Variants in COL21A1 observed in about 807,000 individuals in gnomAD.
The protein encoded by COL21A1 is collagen type XXI alpha 1 chain, also known as collagen alpha-1(XXI) chain.
COL21A1 carries 149 observed loss-of-function variants against 137.9 expected under a neutral mutation model. The observed-to-expected ratio is 1.08, with a 90% CI of 0.95 to 1.24. The LOEUF is 1.24. Ranked by LOEUF, COL21A1 falls within the 50% of genes most tolerant of loss-of-function variation. COL21A1 has a pLI of 0.00. For synonymous variants in COL21A1, 456 were observed against 391.5 expected, an observed-to-expected ratio of 1.16 and a Z score of -1.95; for missense variants, 1,167 against 1,158.4, an observed-to-expected ratio of 1.01 and a Z score of -0.11.
intron 1 of COL21A1, among the ~76,000 whole-genome samples, chr6:56,205,965 C>A (rs1336600798): frequency 6.6e-6 from 1 of 152,160 alleles, no homozygotes; most frequent in Admixed American, 6.5e-5. Flanking sequence ...GCCTGCCTTA[C>A]AAGAGCTCCT....
intron 1 of COL21A1, among the ~76,000 whole-genome samples, chr6:56,337,572 T>G (rs1383372251): frequency 6.6e-6 from 1 of 152,256 alleles, no homozygotes; most frequent in African/African-American, 2.4e-5. Context: ...CCTGGCCATA[T>G]TGAGGCCCAT....
chr6:56,359,306 T>A (rs1303836300), intron 1 of COL21A1, among the ~76,000 whole-genome samples: 1 of 152,226 alleles, frequency 6.6e-6, no homozygotes, highest in African/African-American at 2.4e-5. Context: ...CTGGGCCCCG[T>A]GGGCTCTGTT....
intron 14 of COL21A1, 153 bp downstream of exon 14, chr6:56,125,414 T>A: frequency 2.1e-6 from 1 of 470,626 alleles, no homozygotes; most frequent in South Asian, 6.3e-5. Flanking sequence ...CTTTTTTTCT[T>A]TTTTTTCTTT....
At chr6:56,102,949 G>A (rs1051897995) in intron 16 of COL21A1, among the ~76,000 whole-genome samples, 1 of 152,000 alleles carries the variant, frequency 6.6e-6, no homozygotes, top group African/African-American at 2.4e-5. Context: ...AAATATTGGA[G>A]GAAAAAATGT....
At chr6:56,297,088 C>T (rs1194683050) in intron 1 of COL21A1, among the ~76,000 whole-genome samples, 1 of 151,862 alleles carries the variant, frequency 6.6e-6, no homozygotes, top group East Asian at 1.9e-4. Flanking sequence ...TGCCAATCTC[C>T]CATAGAGATA....
intron 1 of COL21A1, among the ~76,000 whole-genome samples, chr6:56,334,375 T>C (rs1015344709): frequency 1.3e-5 from 2 of 152,110 alleles, no homozygotes; most frequent in Non-Finnish European, 2.9e-5. Context: ...TCTGTGGAGA[T>C]TAAATGACAT....
At chr6:56,108,915 T>G (rs1771176544) in intron 16 of COL21A1, among the ~76,000 whole-genome samples, 1 of 151,896 alleles carries the variant, frequency 6.6e-6, no homozygotes, top group East Asian at 1.9e-4. Context: ...TATCAGAAAT[T>G]AGCAACAAAA....
intron 1 of COL21A1, among the ~76,000 whole-genome samples, chr6:56,393,400 G>C (rs991507808): frequency 2.6e-5 from 4 of 152,096 alleles, no homozygotes; most frequent in African/African-American, 7.2e-5. Flanking sequence ...ACAACACAAA[G>C]AAAAAATTGG....
intron 1 of COL21A1, among the ~76,000 whole-genome samples, chr6:56,278,385 A>C (rs1763717588): frequency 1.3e-5 from 2 of 152,154 alleles, no homozygotes; most frequent in African/African-American, 2.4e-5. Context: ...TAGGGGGTTG[A>C]AGAGGAGAGA....
intron 9 of COL21A1, among the ~76,000 whole-genome samples, chr6:56,164,165 GA>G (rs998565637): frequency 2.0e-4 from 31 of 151,944 alleles, no homozygotes; most frequent in African/African-American, 7.0e-4. Context: ...GTATTTGGGG[GA>G]AAAAAACAAC....
chr6:56,062,672 AGAATT>A (rs1765907486), intron 24 of COL21A1, among the ~76,000 whole-genome samples: 1 of 152,172 alleles, frequency 6.6e-6, no homozygotes, highest in Non-Finnish European at 1.5e-5. Flanking sequence ...GACAAAGAAA[AGAATT>A]AAATAAAAAT....
At chr6:56,181,262 G>C (rs1777868109) in intron 2 of COL21A1, among the ~76,000 whole-genome samples, 1 of 152,156 alleles carries the variant, frequency 6.6e-6, no homozygotes, top group African/African-American at 2.4e-5. Flanking sequence ...GGTCAAAGTA[G>C]GGACAGCAGA....
rs1169582794 is a variant in COL21A1 at position 56,170,636 on chromosome 6, C to CA, written c.1026+12dup. The CA allele has an allele frequency of 6.4e-7, 1 of 1,551,158 alleles. No homozygotes were observed. Among genetic ancestry groups the CA allele is most frequent in the Non-Finnish European group, 8.8e-7 (1 of 1,135,774 alleles). On this transcript the variant is annotated intron_variant, in intron 5 of 29. Transcript: ENST00000244728. ...GAATATCATAATCATGGTATTATCC[C>CA]AGGCATCTTTACCTTAACTTGAGGG...
chr6:56,219,114 T>C (rs1780661949), intron 1 of COL21A1, among the ~76,000 whole-genome samples: 2 of 147,124 alleles, frequency 1.4e-5, no homozygotes, highest in Middle Eastern at 3.6e-3. Flanking sequence ...AACTGTAACA[T>C]GCAATGAAAA....
At chr6:56,113,041 G>C (rs62412799) in intron 16 of COL21A1, among the ~76,000 whole-genome samples, 22,987 of 152,158 alleles carry the variant, frequency 0.15, 1,780 homozygotes, top group Middle Eastern at 0.22. Flanking sequence ...CCAGTGGTCT[G>C]AACTTGAGTG....
At chr6:56,306,993 C>G (rs1005798128) in intron 1 of COL21A1, among the ~76,000 whole-genome samples, 1 of 152,226 alleles carries the variant, frequency 6.6e-6, no homozygotes, top group East Asian at 1.9e-4. Flanking sequence ...GTCCACTCCA[C>G]ACCCTGTTTG....
At chr6:56,313,821 C>T (rs1436988107) in intron 1 of COL21A1, among the ~76,000 whole-genome samples, 3 of 152,028 alleles carry the variant, frequency 2.0e-5, no homozygotes, top group Admixed American at 6.6e-5. Flanking sequence ...GGAACAGATG[C>T]CCCAGCCAAA....
chr6:56,182,538 T>G lies in COL21A1; in HGVS notation c.81A>C (p.Val27=), dbSNP rs752076158. The change falls in exon 2 of 30, where the codon GTA becomes GTC. Residue 27 remains valine (V), a synonymous_variant. Transcript: ENST00000244728. ...QNSVLAEDGE[V]RSSCRTAPTD... ...AATGCTGATAGTTCTTACTTGATCTTACTTCCCCATCTTCAGCTAACACAG... is the reference window on the plus strand; with the variant it reads ...AATGCTGATAGTTCTTACTTGATCTGACTTCCCCATCTTCAGCTAACACAG... 1 of 1,595,214 alleles carries G rather than the reference T, an allele frequency of 6.3e-7. No homozygotes were observed. Among genetic ancestry groups the G allele is most frequent in the Non-Finnish European group, 8.6e-7 (1 of 1,167,740 alleles).
intron 1 of COL21A1, among the ~76,000 whole-genome samples, chr6:56,300,426 T>C (rs1764254307): frequency 6.6e-6 from 1 of 152,154 alleles, no homozygotes; most frequent in South Asian, 2.1e-4. Flanking sequence ...AAATGCTTAC[T>C]TTATTTTAAA....
Sources: gnomAD v4.1 joint callset for allele counts (sites outside exome capture counted in the v4.1 genomes callset) on GRCh38, gnomAD v4.1.1 for gene constraint, MANE v1.5 for transcripts, NCBI Gene and HGNC (gene_info 2026-07-23, HGNC 2026-07-21) for gene names.